Variants in MALRD1 observed in about 807,000 individuals in gnomAD.
The protein encoded by MALRD1 is MAM and LDL-receptor class A domain-containing protein 1.
In MALRD1, 247 loss-of-function variants were observed where a neutral mutation model predicts 242.1. The observed-to-expected ratio is 1.02, with a 90% CI of 0.92 to 1.13. The LOEUF is 1.13. Among genes scored for constraint, MALRD1 ranks in the 50% most tolerant of loss-of-function variants. MALRD1 has a pLI of 0.00. For missense variants in MALRD1, 2,989 were observed against 2,533.1 expected (o/e 1.18, Z -3.86); for synonymous variants, 995 against 866.6 (o/e 1.15, Z -2.60).
Position 19,450,157 on chromosome 10 carries a change from A to G in MALRD1, c.4846-150A>G, listed in dbSNP as rs1276631279. Reference sequence around the variant, plus strand: ...GTTTGACAAGAATGACTCAATTTGTAAGATCACCTTTCACAGATTCAGTGC... The same window carrying G: ...GTTTGACAAGAATGACTCAATTTGTGAGATCACCTTTCACAGATTCAGTGC... On this transcript the variant is annotated intron_variant, in intron 28 of 39. Coordinates refer to ENST00000454679, the MANE Select transcript of MALRD1 (RefSeq NM_001142308.3). 3 of 692,586 alleles carry G rather than the reference A, an allele frequency of 4.3e-6. No individual in the cohort carries two copies. In the African/African-American group the frequency reaches 5.4e-5, roughly 13 times the overall value. 42.9% of individuals were successfully genotyped at this position (692,586 alleles called of 1,614,324 possible). A position where few individuals can be genotyped will look rare whatever the true frequency, so the allele number is the denominator to read the frequency against.
At chr10:19,145,575 G>T (rs1833700141) in intron 10 of MALRD1, among the ~76,000 whole-genome samples, 1 of 151,536 alleles carries the variant, frequency 6.6e-6, no homozygotes, top group South Asian at 2.1e-4. Flanking sequence ...GAACCCAGGA[G>T]GTGGAGATTG....
chr10:19,298,302 G>A (rs1210924902), intron 21 of MALRD1, among the ~76,000 whole-genome samples: 4 of 151,630 alleles, frequency 2.6e-5, no homozygotes, highest in South Asian at 4.1e-4. Flanking sequence ...AAAAGCACAA[G>A]CCATTCATAG....
chr10:19,156,483 G>T, intron 12 of MALRD1, among the ~76,000 whole-genome samples: 1 of 147,850 alleles, frequency 6.8e-6, no homozygotes, highest in Non-Finnish European at 1.5e-5. Flanking sequence ...TTTTTTTGAG[G>T]GGAAACTCCA....
At chr10:19,184,174 T>A (rs1835641349) in intron 14 of MALRD1, among the ~76,000 whole-genome samples, 1 of 152,178 alleles carries the variant, frequency 6.6e-6, no homozygotes, top group African/African-American at 2.4e-5. Context: ...AGGCCTGGGA[T>A]CATGTTGCCA....
intron 18 of MALRD1, among the ~76,000 whole-genome samples, chr10:19,234,050 C>T (rs946762829): frequency 6.6e-6 from 1 of 151,502 alleles, no homozygotes; most frequent in African/African-American, 2.4e-5. Flanking sequence ...CCCTGGGAAG[C>T]AACATAATAA....
intron 31 of MALRD1, among the ~76,000 whole-genome samples, chr10:19,516,613 TCTC>T (rs1054723000): frequency 1.3e-5 from 2 of 151,916 alleles, no homozygotes; most frequent in Non-Finnish European, 2.9e-5. Flanking sequence ...TCAAATATCT[TCTC>T]CTCCTCCTGC....
chr10:19,607,375 C>CT (rs1365776281), intron 34 of MALRD1, among the ~76,000 whole-genome samples: 3 of 152,088 alleles, frequency 2.0e-5, no homozygotes, highest in African/African-American at 7.2e-5. Context: ...AGATGGCTGC[C>CT]TTCTTGCTGT....
At chr10:19,175,603 A>C (rs1412171818) in intron 14 of MALRD1, among the ~76,000 whole-genome samples, 1 of 151,180 alleles carries the variant, frequency 6.6e-6, no homozygotes, top group Non-Finnish European at 1.5e-5. Context: ...ATTATGAAAA[A>C]ATTATAATTA....
At chr10:19,381,623 T>C (rs1002085126) in intron 26 of MALRD1, among the ~76,000 whole-genome samples, 7 of 150,234 alleles carry the variant, frequency 4.7e-5, no homozygotes, top group African/African-American at 1.5e-4. Flanking sequence ...AGGTCAGGAG[T>C]TCCGGACCAG....
chr10:19,273,039 A>G (rs1409852476), intron 19 of MALRD1, among the ~76,000 whole-genome samples: 2 of 152,182 alleles, frequency 1.3e-5, no homozygotes, highest in Admixed American at 1.3e-4. Context: ...TCCTTTGGGT[A>G]TATATCCAGT....
chr10:19,350,458 G>A (rs1253271809), intron 25 of MALRD1, among the ~76,000 whole-genome samples: 1 of 151,654 alleles, frequency 6.6e-6, no homozygotes, highest in East Asian at 2.0e-4. Flanking sequence ...TGTATTTTTA[G>A]TAAAGACAGG....
intron 39 of MALRD1, among the ~76,000 whole-genome samples, chr10:19,731,806 A>G (rs1034236835): frequency 6.6e-6 from 1 of 152,176 alleles, no homozygotes; most frequent in Non-Finnish European, 1.5e-5. Context: ...CTCCTTATAA[A>G]ATGAGTATTA....
intron 26 of MALRD1, among the ~76,000 whole-genome samples, chr10:19,369,918 T>C (rs1423224068): frequency 1.3e-5 from 2 of 152,214 alleles, no homozygotes; most frequent in African/African-American, 2.4e-5. Flanking sequence ...TTTGATGACA[T>C]ACAATTTATT....
At chr10:19,048,530 A>G (rs1834395404), upstream of MALRD1, among the ~76,000 whole-genome samples, 1 of 152,244 alleles carries the variant, frequency 6.6e-6, no homozygotes, top group South Asian at 2.1e-4. Context: ...GTGATTGAGT[A>G]TAGGAATTAA....
intron 36 of MALRD1, among the ~76,000 whole-genome samples, chr10:19,671,577 C>T (rs891115058): frequency 6.6e-6 from 1 of 151,878 alleles, no homozygotes; most frequent in Non-Finnish European, 1.5e-5. Context: ...GAGATGGCAC[C>T]ACTGCACTCC....
intron 28 of MALRD1, among the ~76,000 whole-genome samples, chr10:19,434,233 C>T (rs16918789): frequency 0.064 from 9,659 of 152,082 alleles, 843 homozygotes; most frequent in African/African-American, 0.2. Flanking sequence ...CTGTTTAAAA[C>T]GATTTTATAA....
chr10:19,640,688 T>A (rs1470733355), intron 36 of MALRD1, among the ~76,000 whole-genome samples: 1 of 152,168 alleles, frequency 6.6e-6, no homozygotes. Flanking sequence ...TCTTTCTAGG[T>A]CACTGTTACC....
chr10:19,132,150 A>C (rs1228619516), intron 8 of MALRD1, among the ~76,000 whole-genome samples: 1 of 152,220 alleles, frequency 6.6e-6, no homozygotes, highest in Non-Finnish European at 1.5e-5. Flanking sequence ...GGAATCAGTC[A>C]CTGTGAAATA....
At chr10:19,247,884 C>A (rs542631648) in intron 18 of MALRD1, among the ~76,000 whole-genome samples, 1 of 152,056 alleles carries the variant, frequency 6.6e-6, no homozygotes, top group South Asian at 2.1e-4. Flanking sequence ...AGGAAAGATT[C>A]ACGAATTGGG....
Sources: gnomAD v4.1 joint callset for allele counts (sites outside exome capture counted in the v4.1 genomes callset) on GRCh38, gnomAD v4.1.1 for gene constraint, MANE v1.5 for transcripts, NCBI Gene and HGNC (gene_info 2026-07-23, HGNC 2026-07-21) for gene names.